The following KAZN variants were observed in gnomAD, a reference collection of about 807,000 sequenced individuals.
KAZN encodes kazrin.
KAZN carries 40 observed loss-of-function variants against 87.4 expected under a neutral mutation model. The ratio of observed to expected loss-of-function variants is 0.46; its 90% CI spans 0.36 to 0.60. KAZN has a LOEUF of 0.60. Among genes scored for constraint, KAZN ranks in the 20% least tolerant of loss-of-function variants. The probability of loss-of-function intolerance (pLI) is 0.00; values close to 1 mark genes in which losing one functional copy is unlikely to be tolerated. For missense variants in KAZN, 898 were observed against 1,073.9 expected (o/e 0.84, Z 2.29); for synonymous variants, 466 against 458.3 (o/e 1.02, Z -0.22).
intron 1 of KAZN, among the ~76,000 whole-genome samples, chr1:14,957,919 G>A (rs1188106406): frequency 1.3e-5 from 2 of 152,238 alleles, no homozygotes; most frequent in African/African-American, 2.4e-5. Context: ...AGGAGGAGCT[G>A]GGAGGGCAGG....
At chr1:14,793,638 A>T (rs1268322059) in intron 1 of KAZN, among the ~76,000 whole-genome samples, 1 of 152,240 alleles carries the variant, frequency 6.6e-6, no homozygotes, top group African/African-American at 2.4e-5. Flanking sequence ...TATGTGCTCC[A>T]TAAATGTTTG....
chr1:15,059,550 G>A (rs994196611), intron 5 of KAZN, among the ~76,000 whole-genome samples: 2 of 152,170 alleles, frequency 1.3e-5, no homozygotes, highest in Non-Finnish European at 2.9e-5. Context: ...GACCCACCGG[G>A]AGGCCTCATG....
intron 2 of KAZN, among the ~76,000 whole-genome samples, chr1:14,406,000 G>T (rs113714466): frequency 6.6e-6 from 1 of 152,170 alleles, no homozygotes; most frequent in Non-Finnish European, 1.5e-5. Context: ...CACAAAATGA[G>T]AAGTAATGAA....
chr1:14,943,751 T>C (rs1441456142), intron 1 of KAZN, among the ~76,000 whole-genome samples: 1 of 152,242 alleles, frequency 6.6e-6, no homozygotes, highest in African/African-American at 2.4e-5. Context: ...GCATCGCCTC[T>C]CAGGCGAGGT....
intron 1 of KAZN, among the ~76,000 whole-genome samples, chr1:13,953,110 G>A (rs542301836): frequency 5.9e-5 from 9 of 152,038 alleles, no homozygotes; most frequent in South Asian, 2.1e-4. Context: ...AACGGCCCCC[G>A]AATTCAATAG....
chr1:14,012,788 C>G (rs993954990), intron 1 of KAZN, among the ~76,000 whole-genome samples: 1 of 152,152 alleles, frequency 6.6e-6, no homozygotes, highest in African/African-American at 2.4e-5. Flanking sequence ...GAGATTGCAC[C>G]ACTTCATTCC....
intron 2 of KAZN, among the ~76,000 whole-genome samples, chr1:14,389,211 G>C (rs1243446387): frequency 1.3e-5 from 2 of 152,202 alleles, no homozygotes; most frequent in Non-Finnish European, 2.9e-5. Context: ...ACAAATGCTG[G>C]TGAGGATGTT....
chr1:14,036,997 C>T (rs887533934), intron 1 of KAZN, among the ~76,000 whole-genome samples: 2 of 152,046 alleles, frequency 1.3e-5, no homozygotes, highest in Non-Finnish European at 2.9e-5. Context: ...TCAGGCTGGT[C>T]TCAAACTCCT....
intron 2 of KAZN, among the ~76,000 whole-genome samples, chr1:15,014,547 G>A (rs541907966): frequency 1.0e-3 from 157 of 152,142 alleles, no homozygotes; most frequent in Non-Finnish European, 2.0e-3. Flanking sequence ...CTCGTGGCAC[G>A]GCATTTCCAG....
chr1:14,977,883 C>CTTTTTTTT (rs34375176), intron 2 of KAZN, among the ~76,000 whole-genome samples: 1 of 91,114 alleles, frequency 1.1e-5, no homozygotes, highest in Non-Finnish European at 2.0e-5. Flanking sequence ...GGGTGCACGT[C>CTTTTTTTT]TTTTTTTTTT....
chr1:13,997,691 A>T (rs1639589040), intron 1 of KAZN, among the ~76,000 whole-genome samples: 1 of 152,110 alleles, frequency 6.6e-6, no homozygotes, highest in Non-Finnish European at 1.5e-5. Context: ...AAAGGAATTA[A>T]CAAAGCCTCC....
At chr1:14,566,884 C>T (rs773118604) in intron 2 of KAZN, among the ~76,000 whole-genome samples, 1 of 152,230 alleles carries the variant, frequency 6.6e-6, no homozygotes, top group Non-Finnish European at 1.5e-5. Flanking sequence ...TAAAGGAATG[C>T]TATGGCTAGT....
chr1:14,242,060 A>G (rs990971258), intron 2 of KAZN, among the ~76,000 whole-genome samples: 2 of 152,198 alleles, frequency 1.3e-5, no homozygotes, highest in African/African-American at 2.4e-5. Context: ...TCCTTGAAGT[A>G]TCATCTTAAA....
At chr1:14,708,060 G>T (rs1642302032) in intron 1 of KAZN, among the ~76,000 whole-genome samples, 1 of 152,176 alleles carries the variant, frequency 6.6e-6, no homozygotes, top group African/African-American at 2.4e-5. Context: ...TCTAGCCAGG[G>T]TGACACCGGC....
At chr1:14,324,688 C>A (rs1289278430) in intron 2 of KAZN, among the ~76,000 whole-genome samples, 3 of 152,258 alleles carry the variant, frequency 2.0e-5, no homozygotes, top group Admixed American at 1.3e-4. Context: ...AAACATTTAT[C>A]TCAACTCGCA....
chr1:14,382,324 T>G (rs117799741), intron 2 of KAZN, among the ~76,000 whole-genome samples: 1 of 152,194 alleles, frequency 6.6e-6, no homozygotes, highest in East Asian at 1.9e-4. Flanking sequence ...AACAATTCTT[T>G]TTTTTATTAT....
At chr1:13,966,169 G>A (rs1641935730) in intron 1 of KAZN, among the ~76,000 whole-genome samples, 1 of 151,436 alleles carries the variant, frequency 6.6e-6, no homozygotes, top group Non-Finnish European at 1.5e-5. Flanking sequence ...TTCTCTCCCT[G>A]CCTCCTCTTC....
chr1:14,492,630 C>G (rs1427784702), intron 2 of KAZN, among the ~76,000 whole-genome samples: 1 of 123,112 alleles, frequency 8.1e-6, no homozygotes, highest in East Asian at 3.1e-4. Flanking sequence ...CCCATAATCC[C>G]TAGGCCCTAC....
At chr1:14,615,609 G>A (rs1301248446) in intron 1 of KAZN, among the ~76,000 whole-genome samples, 2 of 151,308 alleles carry the variant, frequency 1.3e-5, no homozygotes, top group Non-Finnish European at 2.9e-5. Flanking sequence ...CTGCATGTCA[G>A]AGTGAGACTC....
Sources: gnomAD v4.1 joint callset for allele counts (sites outside exome capture counted in the v4.1 genomes callset) on GRCh38, gnomAD v4.1.1 for gene constraint, MANE v1.5 for transcripts, NCBI Gene and HGNC (gene_info 2026-07-23, HGNC 2026-07-21) for gene names.